Variants in RBFOX1 observed in about 807,000 individuals in gnomAD.
RBFOX1 encodes the protein RNA binding protein fox-1 homolog 1.
In RBFOX1, 8 loss-of-function variants were observed where a neutral mutation model predicts 57.7. The ratio of observed to expected loss-of-function variants is 0.14; its 90% confidence interval spans 0.08 to 0.25. RBFOX1 has a LOEUF of 0.25. Ranked by LOEUF, RBFOX1 falls within the 10% of genes least tolerant of loss-of-function variation. The pLI is 1.00. For synonymous variants in RBFOX1, 326 were observed against 222.4 expected, an observed-to-expected ratio of 1.47 and a Z score of -4.15; for missense variants, 611 against 548.5, an observed-to-expected ratio of 1.11 and a Z score of -1.14.
intron 3 of RBFOX1, among the ~76,000 whole-genome samples, chr16:5,823,171 A>G (rs1159776813): frequency 6.6e-6 from 1 of 152,194 alleles, no homozygotes; most frequent in Non-Finnish European, 1.5e-5. Context: ...TCCTGGGCAC[A>G]TAGAGGGCAG....
At chr16:7,210,868 C>T (rs1245469016) in intron 4 of RBFOX1, among the ~76,000 whole-genome samples, 2 of 151,572 alleles carry the variant, frequency 1.3e-5, no homozygotes, top group African/African-American at 4.9e-5. Context: ...GTATTGAATA[C>T]TGGTAATTTG....
chr16:6,972,898 T>A (rs545382580), intron 3 of RBFOX1, among the ~76,000 whole-genome samples: 1 of 152,024 alleles, frequency 6.6e-6, no homozygotes, highest in Non-Finnish European at 1.5e-5. Context: ...CTGAAGTGGG[T>A]GGATCACTTG....
At chr16:6,578,690 A>G (rs1386831656) in intron 2 of RBFOX1, among the ~76,000 whole-genome samples, 3 of 152,016 alleles carry the variant, frequency 2.0e-5, no homozygotes, top group Non-Finnish European at 4.4e-5. Flanking sequence ...AGAGAGAAAC[A>G]GAGAGTGAAG....
At chr16:7,596,296 C>G (rs2094698833) in intron 8 of RBFOX1, among the ~76,000 whole-genome samples, 1 of 151,376 alleles carries the variant, frequency 6.6e-6, no homozygotes, top group Non-Finnish European at 1.5e-5. Context: ...TACCAAAATA[C>G]TGACATTCAG....
At chr16:5,268,885 C>T (rs1159122950) in intron 1 of RBFOX1, among the ~76,000 whole-genome samples, 1 of 151,906 alleles carries the variant, frequency 6.6e-6, no homozygotes, top group African/African-American at 2.4e-5. Flanking sequence ...TCTAGTTTCT[C>T]TGCATCCTAA....
At chr16:6,182,873 A>G (rs183609758) in intron 1 of RBFOX1, among the ~76,000 whole-genome samples, 10 of 152,302 alleles carry the variant, frequency 6.6e-5, no homozygotes, top group African/African-American at 2.4e-4. Context: ...CATTCTCAAG[A>G]GTTGAATGAA....
intron 2 of RBFOX1, among the ~76,000 whole-genome samples, chr16:5,583,171 C>T (rs2046729515): frequency 6.6e-6 from 1 of 152,146 alleles, no homozygotes; most frequent in South Asian, 2.1e-4. Flanking sequence ...CCATAGAATG[C>T]CATGCGCAGC....
At chr16:7,556,378 A>C (rs13339287) in intron 5 of RBFOX1, among the ~76,000 whole-genome samples, 5,262 of 152,308 alleles carry the variant, frequency 0.035, 331 homozygotes, top group African/African-American at 0.12. Flanking sequence ...TTACTCATCA[A>C]GTCAGTAGTT....
chr16:6,004,678 C>T (rs1309804863), intron 4 of RBFOX1, among the ~76,000 whole-genome samples: 1 of 152,260 alleles, frequency 6.6e-6, no homozygotes, highest in Non-Finnish European at 1.5e-5. Context: ...TGCCCCTTGC[C>T]TTGAGATAGT....
chr16:7,037,004 T>A (rs912379541), intron 3 of RBFOX1, among the ~76,000 whole-genome samples: 1 of 152,140 alleles, frequency 6.6e-6, no homozygotes, highest in Non-Finnish European at 1.5e-5. Flanking sequence ...CCATGGCATT[T>A]ATAAACTGTC....
intron 1 of RBFOX1, among the ~76,000 whole-genome samples, chr16:6,221,264 G>A (rs1396590679): frequency 1.3e-5 from 2 of 151,994 alleles, no homozygotes; most frequent in Non-Finnish European, 2.9e-5. Context: ...ACCAGCCTTG[G>A]GTTTTATAAT....
At chr16:5,292,536 G>T (rs2063560008) in intron 1 of RBFOX1, among the ~76,000 whole-genome samples, 1 of 152,174 alleles carries the variant, frequency 6.6e-6, no homozygotes, top group African/African-American at 2.4e-5. Context: ...AAGACCCAAT[G>T]CAAATAGGCA....
At chr16:7,449,286 T>G (rs747969979) in intron 4 of RBFOX1, among the ~76,000 whole-genome samples, 1 of 152,158 alleles carries the variant, frequency 6.6e-6, no homozygotes, top group African/African-American at 2.4e-5. Flanking sequence ...TTTAAAATAA[T>G]GTCTCATTAC....
chr16:6,104,206 A>G (rs958517364), intron 1 of RBFOX1, among the ~76,000 whole-genome samples: 5 of 152,180 alleles, frequency 3.3e-5, no homozygotes, highest in African/African-American at 1.2e-4. Context: ...TTTGTAGGAT[A>G]CAATGTGATG....
chr16:7,136,388 T>C (rs1567404273), intron 4 of RBFOX1, among the ~76,000 whole-genome samples: 1 of 150,502 alleles, frequency 6.6e-6, no homozygotes, highest in Admixed American at 6.6e-5. Flanking sequence ...ATACAGAACA[T>C]CTCTATCATC....
At chr16:7,033,685 C>G (rs960708653) in intron 3 of RBFOX1, among the ~76,000 whole-genome samples, 2 of 152,096 alleles carry the variant, frequency 1.3e-5, no homozygotes, top group African/African-American at 4.8e-5. Context: ...GGGCTTGGTT[C>G]CCTATTGAAC....
At chr16:7,596,401 CT>C (rs2094704253) in intron 8 of RBFOX1, among the ~76,000 whole-genome samples, 1 of 151,524 alleles carries the variant, frequency 6.6e-6, no homozygotes, top group African/African-American at 2.4e-5. Flanking sequence ...ATGCTTTAGT[CT>C]TTGGAGTAAG....
At chr16:7,524,469 C>G (rs2078227541) in intron 5 of RBFOX1, among the ~76,000 whole-genome samples, 1 of 152,176 alleles carries the variant, frequency 6.6e-6, no homozygotes. Flanking sequence ...AGATACTGTT[C>G]CTGACAAGGT....
At chr16:7,630,735 A>G (rs374977517) in intron 11 of RBFOX1, 52 bp downstream of exon 11, 390 of 1,609,054 alleles carry the variant, frequency 2.4e-4, no homozygotes, top group African/African-American at 3.9e-4. Flanking sequence ...TCTGAGTCCA[A>G]TCACCTTCCC....
Sources: allele counts gnomAD v4.1 joint callset (sites outside exome capture counted in the v4.1 genomes callset), GRCh38; gene constraint gnomAD v4.1.1; transcripts MANE v1.5; gene names NCBI Gene and HGNC (gene_info 2026-07-23, HGNC 2026-07-21).